RAB2A: variants seen among roughly 807,000 people sequenced by gnomAD.
RAB2A encodes ras-related protein Rab-2A.
RAB2A carries 7 observed loss-of-function variants against 32.5 expected under a neutral mutation model. The ratio of observed to expected loss-of-function variants is 0.22; its 90% CI spans 0.12 to 0.40. The LOEUF (loss-of-function observed/expected upper bound fraction) is 0.40. Ranked by LOEUF, RAB2A falls within the 10% of genes least tolerant of loss-of-function variation. The pLI, the probability that RAB2A is intolerant of heterozygous loss-of-function variation, is 1.00. For missense variants in RAB2A, 108 were observed against 260.7 expected, an observed-to-expected ratio of 0.41 and a Z score of 4.03; for synonymous variants, 79 against 85.2, an observed-to-expected ratio of 0.93 and a Z score of 0.40.
chr8:60,615,686 A>C (rs185521255), intron 6 of RAB2A, among the ~76,000 whole-genome samples: 90 of 152,296 alleles, frequency 5.9e-4, no homozygotes, highest in African/African-American at 2.1e-3. Flanking sequence ...CATAAGCCTT[A>C]CTAGTATTTG....
intron 3 of RAB2A, among the ~76,000 whole-genome samples, chr8:60,582,859 A>G (rs1803784261): frequency 6.6e-6 from 1 of 152,142 alleles, no homozygotes; most frequent in South Asian, 2.1e-4. Context: ...CTAGGCATAA[A>G]TGGGTTAAAA....
At chr8:60,613,026 A>G (rs1467774979) in intron 6 of RAB2A, among the ~76,000 whole-genome samples, 1 of 152,214 alleles carries the variant, frequency 6.6e-6, no homozygotes, top group Non-Finnish European at 1.5e-5. Flanking sequence ...ACTCCCTAAT[A>G]TGAAATTCTA....
intron 6 of RAB2A, among the ~76,000 whole-genome samples, chr8:60,604,851 G>A (rs1471970296): frequency 9.9e-5 from 15 of 152,198 alleles, no homozygotes; most frequent in Non-Finnish European, 1.8e-4. Context: ...TGAAAAATTT[G>A]TAGCCTGGCC....
chr8:60,579,359 A>G (rs1803696682), intron 3 of RAB2A, among the ~76,000 whole-genome samples: 1 of 152,026 alleles, frequency 6.6e-6, no homozygotes, highest in African/African-American at 2.4e-5. Context: ...GTGGATTTTT[A>G]AATTAATCCA....
chr8:60,529,056 A>G (rs1032409030), intron 1 of RAB2A, among the ~76,000 whole-genome samples: 1 of 151,726 alleles, frequency 6.6e-6, no homozygotes. Context: ...TTTTCTTCTC[A>G]TGGCTTCTCT....
At position 60,518,898 on chromosome 8, in the gene RAB2A, A is replaced by G. The variant is rs549262452; in HGVS notation, c.46+1645A>G. On this transcript the variant is annotated intron_variant, in intron 1 of 7. Transcript: ENST00000262646. ...AAGCTTGTGACTGTGGCATTTGGCT[A>G]TCTCATTAGTGGTGAAAATTCAAAT... Among the ~76,000 whole-genome samples, 28 of 152,316 alleles carry G rather than the reference A, an allele frequency of 1.8e-4. No homozygotes were observed. The South Asian group carries it at 5.6e-3, about 30-fold the overall frequency.
At chr8:60,566,603 TTC>T (rs1808118061) in intron 2 of RAB2A, among the ~76,000 whole-genome samples, 1 of 152,230 alleles carries the variant, frequency 6.6e-6, no homozygotes, top group Non-Finnish European at 1.5e-5. Flanking sequence ...GTATATCATT[TTC>T]TTTTTTTAAA....
chr8:60,610,502 A>C (rs1457446323), intron 6 of RAB2A, among the ~76,000 whole-genome samples: 1 of 152,190 alleles, frequency 6.6e-6, no homozygotes, highest in Non-Finnish European at 1.5e-5. Context: ...CCTTAAATCT[A>C]TTCTGAGTGT....
In RAB2A at chr8:60,516,999, G is replaced by A; in HGVS notation, c.-209G>A. 1 of 467,348 alleles carries A rather than the reference G, an allele frequency of 2.1e-6. No homozygotes were observed. Among genetic ancestry groups the A allele is most frequent in the Non-Finnish European group, 3.8e-6 (1 of 263,344 alleles). The allele number at this position is 467,348 out of a possible 1,614,324, so 29.0% of individuals were successfully genotyped here. ...CGCGGCGGCTGTTATTGTTCGGCTGGGCTCGGTCGGGCGCTGTCTCCCTCG... is the reference window on the plus strand; with the variant it reads ...CGCGGCGGCTGTTATTGTTCGGCTGAGCTCGGTCGGGCGCTGTCTCCCTCG... On this transcript the variant is annotated 5_prime_UTR_variant, in exon 1 of 8. Transcript: ENST00000262646.
chr8:60,604,648 G>A (rs1017867543), intron 6 of RAB2A, among the ~76,000 whole-genome samples: 1 of 152,192 alleles, frequency 6.6e-6, no homozygotes, highest in African/African-American at 2.4e-5. Context: ...GCTGCGTTGT[G>A]CCCCTGCCCT....
At chr8:60,547,955 C>T (rs1300631435) in intron 1 of RAB2A, among the ~76,000 whole-genome samples, 16 of 66,528 alleles carry the variant, frequency 2.4e-4, no homozygotes, top group African/African-American at 1.3e-3. Flanking sequence ...TAGGGGCGGC[C>T]GGGCAGAGGC....
At chr8:60,552,001 G>GTTTTTTTTTTGT (rs1352303744) in intron 1 of RAB2A, 18 of 109,748 alleles carry the variant, frequency 1.6e-4, no homozygotes, top group African/African-American at 6.2e-4. Flanking sequence ...GTAGCTGGGA[G>GTTTTTTTTTTGT]TTTTTTTTTT....
At chr8:60,572,178 T>G in intron 3 of RAB2A, 65 bp downstream of exon 3, 1 of 1,242,030 alleles carries the variant, frequency 8.1e-7, no homozygotes, top group South Asian at 1.3e-5. Context: ...ACATCGTATA[T>G]TTGTTTTAAT....
chr8:60,617,463 A>C (rs186755313), intron 6 of RAB2A, among the ~76,000 whole-genome samples: 13 of 152,362 alleles, frequency 8.5e-5, no homozygotes, highest in Admixed American at 5.9e-4. Flanking sequence ...TGCAGTTTAC[A>C]TAATTGAAAT....
intron 1 of RAB2A, chr8:60,552,118 C>T (rs1807861876): frequency 5.4e-3 from 1 of 184 alleles, no homozygotes; most frequent in African/African-American, 0.17. Context: ...ATTCTCCTGC[C>T]TCAGCCTCCT....
At chr8:60,518,713 G>GTT (rs1807254179) in intron 1 of RAB2A, among the ~76,000 whole-genome samples, 5 of 151,666 alleles carry the variant, frequency 3.3e-5, no homozygotes, top group Admixed American at 3.3e-4. Context: ...GTGTGTGTGT[G>GTT]TGTGGAAATT....
intron 5 of RAB2A, among the ~76,000 whole-genome samples, chr8:60,585,394 C>T (rs1414037986): frequency 6.6e-6 from 1 of 152,100 alleles, no homozygotes; most frequent in Admixed American, 6.6e-5. Flanking sequence ...CTCACTGCAG[C>T]TTGGCCTCCC....
At chr8:60,583,286 T>C (rs1300069566) in intron 3 of RAB2A, among the ~76,000 whole-genome samples, 1 of 152,220 alleles carries the variant, frequency 6.6e-6, no homozygotes, top group African/African-American at 2.4e-5. Flanking sequence ...AAAATGCTTA[T>C]GTTTTTGCAA....
chr8:60,521,164 T>C (rs1807296179), intron 1 of RAB2A, among the ~76,000 whole-genome samples: 1 of 152,206 alleles, frequency 6.6e-6, no homozygotes, highest in Non-Finnish European at 1.5e-5. Flanking sequence ...TTTGCCTTTG[T>C]CTTAGATGCC....
Sources: allele counts gnomAD v4.1 joint callset (sites outside exome capture counted in the v4.1 genomes callset), GRCh38; gene constraint gnomAD v4.1.1; transcripts MANE v1.5; gene names NCBI Gene and HGNC (gene_info 2026-07-23, HGNC 2026-07-21).